The following MRPL2 variants were observed in gnomAD, a reference collection of about 807,000 sequenced individuals.
MRPL2 encodes the protein large ribosomal subunit protein uL2m.
Under a neutral mutation model 34.6 loss-of-function variants are expected in MRPL2, and 27 were observed. That is an observed-to-expected ratio of 0.78 (90% CI 0.58 to 1.08). The LOEUF (loss-of-function observed/expected upper bound fraction) is 1.08. MRPL2 is among the 50% of genes least tolerant of loss of function. The pLI is 0.00. For synonymous variants in MRPL2, 155 were observed against 158.0 expected (o/e 0.98, Z 0.14); for missense variants, 414 against 419.3 (o/e 0.99, Z 0.11).
chr6:43,059,435 G>A (rs1218408600), upstream of MRPL2: 19 of 1,490,480 alleles, frequency 1.3e-5, no homozygotes, highest in South Asian at 7.9e-5. Flanking sequence ...AGATGACGTT[G>A]ACTGTCCGGC....
rs919546263 is a variant in MRPL2, at chr6:43,058,903, G to T, written c.96+383C>A. On this transcript the variant is annotated intron_variant, in intron 1 of 6. Coordinates refer to ENST00000388752, the MANE Select transcript of MRPL2 (RefSeq NM_015950.5). ...ACAGACTGTTTAGCTCTGATAGTTG[G>T]TGTGTGACCTTGGACTCCTTATTTT... 1.6e-5 allele frequency: 8 copies of T among 514,296 alleles called. No individual in the cohort carries two copies. In the Admixed American group the frequency reaches 2.4e-4, roughly 15 times the overall value. 31.9% of individuals were successfully genotyped at this position (514,296 alleles called of 1,614,324 possible).
In MRPL2 at chr6:43,058,223, T is replaced by G. The variant is rs371759310; in HGVS notation, c.107A>C (p.Asn36Thr). The G allele has an allele frequency of 6.2e-7, 1 of 1,613,806 alleles. No individual in the cohort carries two copies. The highest frequency in any genetic ancestry group is 2.2e-5 in the East Asian group (1 of 44,902). Residue 36 changes from asparagine to threonine, a missense_variant, in exon 2 of 7, where the codon AAT (asparagine) becomes ACT (threonine). Coordinates refer to ENST00000388752, the MANE Select transcript of MRPL2 (RefSeq NM_015950.5). ...SLFPAAQMMN[N>T]GLLQQPSALM... ...GGCAGAGGGCTGTTGGAGGAGGCCA[T>G]TGTTCATCATCTAGGGATAAAAAGA...
chr6:43,054,844 T>C (rs1396944866), intron 6 of MRPL2, among the ~76,000 whole-genome samples: 4 of 152,046 alleles, frequency 2.6e-5, no homozygotes, highest in African/African-American at 4.8e-5. Context: ...TTTGGGAGCC[T>C]AGGCAGGCAG....
In MRPL2 at chr6:43,054,083, G is replaced by C; in HGVS notation, c.*191C>G. ...GGCTCCATTACTTGTAAGGGAATTG[G>C]GGTGGGGACAGACCCAGTGTCCTGT... On this transcript the variant is annotated 3_prime_UTR_variant, in exon 7 of 7. Coordinates refer to ENST00000388752, the MANE Select transcript of MRPL2 (RefSeq NM_015950.5). 1.6e-6 allele frequency: 1 copy of C among 632,626 alleles called. No homozygotes were observed. Among genetic ancestry groups the C allele is most frequent in the Non-Finnish European group, 2.7e-6 (1 of 368,424 alleles). The allele number at this position is 632,626 out of a possible 1,614,324, so 39.2% of individuals were successfully genotyped here.
chr6:43,059,694 T>G (rs1053628176), upstream of MRPL2: 14 of 1,318,020 alleles, frequency 1.1e-5, no homozygotes, highest in Admixed American at 3.6e-4. Flanking sequence ...AGGTGAGTCT[T>G]TGAGGGTATC....
upstream of MRPL2, chr6:43,059,596 A>G (rs544404060): frequency 1.1e-3 from 1,546 of 1,400,574 alleles, 1 homozygote; most frequent in Middle Eastern, 9.2e-3. Flanking sequence ...GCCCCCCCAG[A>G]CCCGTCAAAA....
chr6:43,055,818 G>A, intron 5 of MRPL2, 79 bp downstream of exon 5: 2 of 1,407,290 alleles, frequency 1.4e-6, no homozygotes, highest in East Asian at 4.8e-5. Context: ...TTCTCTGCCA[G>A]TACCAGATGT....
Position 43,054,244 on chromosome 6 carries a change from G to T in MRPL2, c.*30C>A, listed in dbSNP as rs540391339. 25 of 1,395,966 alleles carry T rather than the reference G, an allele frequency of 1.8e-5. No homozygotes were observed. The highest frequency in any genetic ancestry group is 2.3e-5 in the Non-Finnish European group (24 of 1,022,276). The allele number at this position is 1,395,966 out of a possible 1,614,324, so 86.5% of individuals were successfully genotyped here. A position where few individuals can be genotyped will look rare whatever the true frequency, so the allele number is the denominator to read the frequency against. ...CCACAGTAACAGATTAAAACGGGGG[G>T]GGGGGGCATTTTATTAGAGTACAGG... On this transcript the variant is annotated 3_prime_UTR_variant, in exon 7 of 7. Transcript: ENST00000388752.
intron 2 of MRPL2, 65 bp from the exon 3 acceptor site, chr6:43,056,510 A>G: frequency 6.3e-7 from 1 of 1,593,692 alleles, no homozygotes; most frequent in East Asian, 2.2e-5. Flanking sequence ...AGCACTGGGA[A>G]CTGGCCCATT....
In MRPL2 at chr6:43,059,412, G is replaced by C. The variant is rs1765012477; in HGVS notation, c.-31C>G. 1 of 1,517,482 alleles carries C rather than the reference G, an allele frequency of 6.6e-7. No homozygotes were observed. Among genetic ancestry groups the C allele is most frequent in the Non-Finnish European group, 8.9e-7 (1 of 1,126,868 alleles). The allele number at this position is 1,517,482 out of a possible 1,614,324, so 94.0% of individuals were successfully genotyped here. A position where few individuals can be genotyped will look rare whatever the true frequency, so the allele number is the denominator to read the frequency against. ...CGACACCCTTACTTTTAGCCAAGCT[G>C]CTCGGTGCTCCTAGATGACGTTGAC... On this transcript the variant is annotated 5_prime_UTR_variant, in exon 1 of 7. Transcript: ENST00000388752.
upstream of MRPL2, chr6:43,059,546 G>A (rs1453059947): frequency 7.0e-6 from 10 of 1,427,448 alleles, no homozygotes; most frequent in Non-Finnish European, 8.2e-6. Flanking sequence ...GAGCCAATCC[G>A]CGGGCAGCTC....
At chr6:43,059,580 G>T (rs918906519), upstream of MRPL2, 22 of 1,418,638 alleles carry the variant, frequency 1.6e-5, no homozygotes, top group African/African-American at 3.2e-4. Context: ...CTAGGAAACA[G>T]GCCCCGCCCC....
intron 2 of MRPL2, among the ~76,000 whole-genome samples, chr6:43,057,257 T>C (rs192995717): frequency 1.1e-4 from 16 of 152,170 alleles, no homozygotes; most frequent in African/African-American, 3.6e-4. Flanking sequence ...CTCGGCTCAC[T>C]GCAACCTCCA....
At chr6:43,056,638 A>G in intron 2 of MRPL2, among the ~76,000 whole-genome samples, 193 bp from the exon 3 acceptor site, 1 of 152,192 alleles carries the variant, frequency 6.6e-6, no homozygotes, top group East Asian at 1.9e-4. Flanking sequence ...AAAACATTAT[A>G]TGATTATTGA....
chr6:43,055,678 A>G, intron 5 of MRPL2, 60 bp from the exon 6 acceptor site: 1 of 1,583,344 alleles, frequency 6.3e-7, no homozygotes, highest in Non-Finnish European at 8.7e-7. Flanking sequence ...AGGGACTTAC[A>G]CAGGGGACAT....
upstream of MRPL2, chr6:43,059,679 A>G: frequency 7.5e-7 from 1 of 1,336,822 alleles, no homozygotes; most frequent in Non-Finnish European, 9.6e-7. Context: ...ACACCGGCAG[A>G]TTGCAGGTGA....
In MRPL2 at chr6:43,055,889, C is replaced by T; in HGVS notation, c.631+8G>A. 1 of 1,608,996 alleles carries T rather than the reference C, an allele frequency of 6.2e-7. No individual in the cohort carries two copies. The highest frequency in any genetic ancestry group is 1.1e-5 in the South Asian group (1 of 90,466). ...ACTATAGGACCCAGGCAACTCCTTT[C>T]CCCATACCTGCAGCTCGGATATATT... is the stretch of plus-strand genomic sequence containing the variant. On this transcript the variant is annotated splice_region_variant and intron_variant, in intron 5 of 6. Transcript: ENST00000388752.
intron 5 of MRPL2, 128 bp from the exon 6 acceptor site, chr6:43,055,746 T>C (rs1764851039): frequency 1.6e-6 from 2 of 1,288,260 alleles, no homozygotes; most frequent in Non-Finnish European, 2.2e-6. Context: ...GAAGGACGCA[T>C]GCTATGTTTT....
In MRPL2 at chr6:43,059,328, C is replaced by G. The variant is rs200586975; in HGVS notation, c.54G>C (p.Pro18=). 210 of 1,551,952 alleles carry G rather than the reference C, an allele frequency of 1.4e-4. No homozygotes were observed. In the African/African-American group the frequency reaches 2.5e-3, roughly 18 times the overall value. Reference sequence around the variant, plus strand: ...GACTCGGGGCAGGGGCGGCGACGGTCGGGGGCGCCAGGTTCAGAGAGCGCA... The same window carrying G: ...GACTCGGGGCAGGGGCGGCGACGGTGGGGGGCGCCAGGTTCAGAGAGCGCA... ...RALRSLNLAP[P]TVAAPAPSLF... The change falls in exon 1 of 7, where the codon CCG becomes CCC. Residue 18 remains proline (P), a synonymous_variant. Transcript: ENST00000388752.
Sources: allele counts gnomAD v4.1 joint callset (sites outside exome capture counted in the v4.1 genomes callset), GRCh38; gene constraint gnomAD v4.1.1; transcripts MANE v1.5; gene names NCBI Gene and HGNC (gene_info 2026-07-23, HGNC 2026-07-21).